The following NEDD4 variants were observed in gnomAD, a reference collection of about 807,000 sequenced individuals.
The protein encoded by NEDD4 is NEDD4 E3 ubiquitin protein ligase.
Under a neutral mutation model 144.9 loss-of-function variants are expected in NEDD4, and 99 were observed. The observed-to-expected ratio is 0.68, with a 90% CI of 0.58 to 0.81. NEDD4 has a LOEUF of 0.81. Among genes scored for constraint, NEDD4 ranks in the 30% least tolerant of loss-of-function variants. NEDD4 has a pLI of 0.00. For missense variants in NEDD4, 985 were observed against 1,065.9 expected (o/e 0.92, Z 1.06); for synonymous variants, 318 against 350.6 (o/e 0.91, Z 1.04).
intron 11 of NEDD4, among the ~76,000 whole-genome samples, chr15:55,858,702 C>T (rs75418371): frequency 6.6e-6 from 1 of 152,288 alleles, no homozygotes; most frequent in African/African-American, 2.4e-5. Context: ...AAAGGAAGGG[C>T]AGGAGGCAGG....
At position 55,923,658 on chromosome 15, in the gene NEDD4, A is replaced by AT. The variant is rs1466948606; in HGVS notation, c.291+987_291+988insA. Among the ~76,000 whole-genome samples the AT allele has an allele frequency of 6.0e-3, 819 of 137,266 alleles. 8 individuals carry two copies. Among genetic ancestry groups the AT allele is most frequent in the African/African-American group, 0.02 (694 of 35,576 alleles). The allele number at this position is 137,266 out of a possible 152,430, so 90.1% of individuals were successfully genotyped here. On this transcript the variant is annotated intron_variant, in intron 5 of 28. Coordinates refer to ENST00000435532, the MANE Select transcript of NEDD4 (RefSeq NM_006154.4). The stretch of plus-strand genomic sequence containing the variant: ...GAGACTCCATCTCAAAAAAAAAAAA[A>AT]AATATATATATATATAGCAAGTCAG...
intron 4 of NEDD4, among the ~76,000 whole-genome samples, chr15:55,946,615 A>G (rs1417971135): frequency 6.6e-6 from 1 of 152,204 alleles, no homozygotes; most frequent in Non-Finnish European, 1.5e-5. Flanking sequence ...GAAAGTTAAC[A>G]AGGATATCCA....
chr15:55,926,886 G>A (rs1422904334), intron 4 of NEDD4, among the ~76,000 whole-genome samples: 1 of 151,638 alleles, frequency 6.6e-6, no homozygotes, highest in African/African-American at 2.4e-5. Context: ...AACCAGCCTG[G>A]CCAACAGGGT....
At chr15:55,908,654 G>T (rs1348932607) in intron 5 of NEDD4, among the ~76,000 whole-genome samples, 1 of 152,088 alleles carries the variant, frequency 6.6e-6, no homozygotes, top group East Asian at 1.9e-4. Context: ...TAATAAGATC[G>T]CCATGTTATT....
intron 5 of NEDD4, among the ~76,000 whole-genome samples, chr15:55,891,284 T>C (rs1157723123): frequency 6.6e-6 from 1 of 152,176 alleles, no homozygotes; most frequent in Non-Finnish European, 1.5e-5. Context: ...AAACTAAAAG[T>C]CAATATGCAT....
intron 4 of NEDD4, among the ~76,000 whole-genome samples, chr15:55,937,507 T>G (rs1183002506): frequency 6.6e-6 from 1 of 152,184 alleles, no homozygotes; most frequent in African/African-American, 2.4e-5. Flanking sequence ...AATTTCTAAT[T>G]GAAACAAATG....
At chr15:55,935,845 CAAAAAAA>C (rs35215537) in intron 4 of NEDD4, among the ~76,000 whole-genome samples, 5 of 78,264 alleles carry the variant, frequency 6.4e-5, no homozygotes, top group Admixed American at 1.5e-4. Flanking sequence ...GACTCTGTTT[CAAAAAAA>C]AAAAAAAAAA....
intron 8 of NEDD4, among the ~76,000 whole-genome samples, chr15:55,865,614 G>A (rs1026546502): frequency 1.6e-4 from 24 of 151,820 alleles, no homozygotes; most frequent in Non-Finnish European, 2.6e-4. Flanking sequence ...AACTGACACA[G>A]AATAATTTCC....
chr15:55,982,215 G>A (rs1452710226), intron 1 of NEDD4, among the ~76,000 whole-genome samples: 1 of 152,074 alleles, frequency 6.6e-6, no homozygotes, highest in Non-Finnish European at 1.5e-5. Flanking sequence ...CTGTTAGGCA[G>A]TTTCTTATAA....
chr15:55,895,726 G>A (rs1162939744), intron 5 of NEDD4, among the ~76,000 whole-genome samples: 1 of 152,204 alleles, frequency 6.6e-6, no homozygotes, highest in East Asian at 1.9e-4. Flanking sequence ...TACACCTTGA[G>A]AAACATGTAT....
At chr15:55,918,934 TG>T in intron 5 of NEDD4, among the ~76,000 whole-genome samples, 1 of 152,308 alleles carries the variant, frequency 6.6e-6, no homozygotes, top group Non-Finnish European at 1.5e-5. Flanking sequence ...ACTCAAAGAA[TG>T]AATCCCTTCT....
chr15:55,870,670 A>T (rs758224781), intron 7 of NEDD4, among the ~76,000 whole-genome samples: 2 of 151,684 alleles, frequency 1.3e-5, no homozygotes, highest in Non-Finnish European at 2.9e-5. Context: ...AATAACTGGG[A>T]CTACAGGCAC....
intron 8 of NEDD4, among the ~76,000 whole-genome samples, chr15:55,867,835 G>A (rs771545841): frequency 6.6e-6 from 1 of 152,136 alleles, no homozygotes; most frequent in Non-Finnish European, 1.5e-5. Flanking sequence ...GCGGATGGAC[G>A]GCTTGAGGCC....
chr15:55,862,863 C>T (rs958775801), intron 9 of NEDD4, 50 bp downstream of exon 9: 6 of 1,482,142 alleles, frequency 4.0e-6, no homozygotes, highest in Non-Finnish European at 4.6e-6. Flanking sequence ...AATGAAAATT[C>T]GTAGTTAAAG....
chr15:55,973,481 A>G (rs7172569), intron 1 of NEDD4, among the ~76,000 whole-genome samples: 22,613 of 152,134 alleles, frequency 0.15, 1,818 homozygotes, highest in East Asian at 0.32. Context: ...TGAGGCTGCA[A>G]GGAGCCATGA....
chr15:55,872,697 TGG>T (rs2034846099), intron 6 of NEDD4, among the ~76,000 whole-genome samples: 1 of 152,106 alleles, frequency 6.6e-6, no homozygotes, highest in African/African-American at 2.4e-5. Context: ...GCTGAGCAGG[TGG>T]GTTGTGGAGC....
chr15:55,993,419 C>T lies in NEDD4; in HGVS notation c.45+92G>A, dbSNP rs376007297. 27 of 1,480,584 alleles carry T rather than the reference C, an allele frequency of 1.8e-5. No individual in the cohort carries two copies. In the South Asian group the frequency reaches 1.9e-4, roughly 10 times the overall value. The allele number at this position is 1,480,584 out of a possible 1,614,324, so 91.7% of individuals were successfully genotyped here. A position where few individuals can be genotyped will look rare whatever the true frequency, so the allele number is the denominator to read the frequency against. ...GAGGGAGGAGGGGCTGACAGCAGAG[C>T]CTCCGGTCGTGGCCGCCGCCGCTAC... is the stretch of plus-strand genomic sequence containing the variant. On this transcript the variant is annotated intron_variant, in intron 1 of 28. Transcript: ENST00000435532.
At chr15:55,901,047 TCTAA>T (rs2035899916) in intron 5 of NEDD4, among the ~76,000 whole-genome samples, 1 of 152,164 alleles carries the variant, frequency 6.6e-6, no homozygotes, top group Non-Finnish European at 1.5e-5. Flanking sequence ...AAAACTGGTA[TCTAA>T]CTTTTTTTAA....
At chr15:55,840,980 CT>C (rs1178732763) in intron 19 of NEDD4, among the ~76,000 whole-genome samples, 1 of 152,094 alleles carries the variant, frequency 6.6e-6, no homozygotes, top group Admixed American at 6.6e-5. Context: ...CTCGCCCAGG[CT>C]GGAGTGCAAT....
Sources: gnomAD v4.1 joint callset for allele counts (sites outside exome capture counted in the v4.1 genomes callset) on GRCh38, gnomAD v4.1.1 for gene constraint, MANE v1.5 for transcripts, NCBI Gene and HGNC (gene_info 2026-07-23, HGNC 2026-07-21) for gene names.